The following SLC9A3 variants were observed in gnomAD, a reference collection of about 807,000 sequenced individuals.
SLC9A3 encodes the protein sodium/hydrogen exchanger 3.
SLC9A3 carries 37 observed loss-of-function variants against 86.8 expected under a neutral mutation model. The observed-to-expected ratio is 0.43, with a 90% CI of 0.33 to 0.56. The LOEUF (loss-of-function observed/expected upper bound fraction) is 0.56. Among genes scored for constraint, SLC9A3 ranks in the 20% least tolerant of loss-of-function variants. The pLI, the probability that SLC9A3 is intolerant of heterozygous loss-of-function variation, is 0.06. For synonymous variants in SLC9A3, 581 were observed against 528.3 expected (o/e 1.10, Z -1.37); for missense variants, 1,011 against 1,171.9 (o/e 0.86, Z 2.00).
At chr5:482,880 TC>T in intron 6 of SLC9A3, 130 bp from the exon 7 acceptor site, 2 of 703,400 alleles carry the variant, frequency 2.8e-6, no homozygotes, top group Non-Finnish European at 4.7e-6. Context: ...AGATACGGCG[TC>T]CCCACGCCAC....
chr5:503,075 T>G (rs936912086), intron 1 of SLC9A3, among the ~76,000 whole-genome samples: 1 of 152,082 alleles, frequency 6.6e-6, no homozygotes, highest in African/African-American at 2.4e-5. Context: ...AAAATAGAAC[T>G]TATCAAAGAG....
intron 11 of SLC9A3, 93 bp from the exon 12 acceptor site, chr5:476,765 G>C: frequency 6.7e-7 from 1 of 1,487,306 alleles, no homozygotes; most frequent in Admixed American, 1.8e-5. Context: ...TCTGGCCCTG[G>C]CTGCCTCCTG....
intron 10 of SLC9A3, 53 bp from the exon 11 acceptor site, chr5:477,497 C>T (rs1024600413): frequency 7.3e-7 from 1 of 1,368,138 alleles, no homozygotes; most frequent in Non-Finnish European, 1.0e-6. Flanking sequence ...GCCCTAGCTG[C>T]TGCCATTGTG....
At position 497,016 on chromosome 5, in the gene SLC9A3, C is replaced by G. The variant is rs1740047135; in HGVS notation, c.212-4945G>C. Among the ~76,000 whole-genome samples, 1 of 152,148 alleles carries G rather than the reference C, an allele frequency of 6.6e-6. No individual in the cohort carries two copies. The highest frequency in any genetic ancestry group is 6.5e-5 in the Admixed American group (1 of 15,276). ...GCTGCAGTGAGCCAAGATCACACCA[C>G]TACATTCCAGCCTGGGCGACGGAGG... On this transcript the variant is annotated intron_variant, in intron 1 of 16. Coordinates refer to ENST00000264938, the MANE Select transcript of SLC9A3 (RefSeq NM_004174.4). The surrounding 1 kb of genome is among the most constrained non-coding windows in gnomAD (Gnocchi z 5.4).
At chr5:507,105 TAAATA>T (rs1740618608) in intron 1 of SLC9A3, among the ~76,000 whole-genome samples, 1 of 137,760 alleles carries the variant, frequency 7.3e-6, no homozygotes, top group Non-Finnish European at 1.6e-5. Flanking sequence ...AATAAATAAA[TAAATA>T]AATAAATAAA....
rs1047155322 is a variant in SLC9A3, at chr5:496,490, C to A, written c.212-4419G>T. 6.6e-6 allele frequency among the ~76,000 whole-genome samples: 1 copy of A among 152,222 alleles called. No individual in the cohort carries two copies. Among genetic ancestry groups the A allele is most frequent in the Non-Finnish European group, 1.5e-5 (1 of 68,050 alleles). On this transcript the variant is annotated intron_variant, in intron 1 of 16. Transcript: ENST00000264938. This position sits in a 1 kb window ranked among gnomAD's most constrained non-coding sequence, Gnocchi z 4.7. ...GGGCACTGATCCTTTCCTATTGACA[C>A]GAGGTTCTTCGTAAGCTGGAAAATC...
chr5:477,558 C>T, intron 10 of SLC9A3, 114 bp from the exon 11 acceptor site: 1 of 664,112 alleles, frequency 1.5e-6, no homozygotes, highest in Non-Finnish European at 2.5e-6. Context: ...AGCCTTGAGA[C>T]CTGAGCCCCG....
In SLC9A3 at chr5:476,009, C is replaced by T. The variant is rs765873389; in HGVS notation, c.2140+11G>A. On this transcript the variant is annotated intron_variant, in intron 14 of 16. Transcript: ENST00000264938. ...CCCAGTCCCAGCGTTCCTGCAGGGC[C>T]CCCAGCGCACCTTTCTCCTTGATGG... 25 of 1,602,704 alleles carry T rather than the reference C, an allele frequency of 1.6e-5. 1 individual carries two copies. In the South Asian group the frequency reaches 2.7e-4, roughly 17 times the overall value.
At chr5:477,794 C>G (rs1259702964) in intron 10 of SLC9A3, 1 of 220,814 alleles carries the variant, frequency 4.5e-6, no homozygotes, top group South Asian at 7.7e-5. Flanking sequence ...GAAGTGGTCT[C>G]TGTCCCTGCA....
rs933046562 is a variant in SLC9A3 at position 471,699 on chromosome 5, A to T, written c.*1680T>A. 1.6e-5 allele frequency: 7 copies of T among 440,738 alleles called. No homozygotes were observed. Among genetic ancestry groups the T allele is most frequent in the Non-Finnish European group, 2.7e-5 (6 of 218,316 alleles). The allele number at this position is 440,738 out of a possible 1,614,324, so 27.3% of individuals were successfully genotyped here. On this transcript the variant is annotated 3_prime_UTR_variant, in exon 17 of 17. Transcript: ENST00000264938. ...TGGTTGAAATGGCTACGAAGTGTGG[A>T]GAATAACCACTGAATCCCAAAAAGT...
Position 497,779 on chromosome 5 carries a change from C to T in SLC9A3, c.212-5708G>A, listed in dbSNP as rs560443739. On this transcript the variant is annotated intron_variant, in intron 1 of 16. Coordinates refer to ENST00000264938, the MANE Select transcript of SLC9A3 (RefSeq NM_004174.4). This position sits in a 1 kb window ranked among gnomAD's most constrained non-coding sequence, Gnocchi z 5.4. Reference sequence around the variant, plus strand: ...TGTCCCGGGTGGGGTCGCCCGGCCGCATCCCCAGCCTCTGCCCCTGTCCCG... The same window carrying T: ...TGTCCCGGGTGGGGTCGCCCGGCCGTATCCCCAGCCTCTGCCCCTGTCCCG... 0.022 allele frequency among the ~76,000 whole-genome samples: 1,347 copies of T among 61,546 alleles called. 10 individuals carry two copies. Among genetic ancestry groups the T allele is most frequent in the South Asian group, 0.044 (44 of 990 alleles). The allele number at this position is 61,546 out of a possible 152,430, so 40.4% of individuals were successfully genotyped here.
At chr5:504,037 A>C (rs1370722389) in intron 1 of SLC9A3, among the ~76,000 whole-genome samples, 2 of 150,348 alleles carry the variant, frequency 1.3e-5, no homozygotes, top group African/African-American at 4.9e-5. Context: ...CATTCACTTC[A>C]AAGTAGAAAT....
chr5:495,253 G>A (rs1384914636), intron 1 of SLC9A3, among the ~76,000 whole-genome samples: 2 of 152,112 alleles, frequency 1.3e-5, no homozygotes, highest in African/African-American at 4.8e-5. Flanking sequence ...GGTTCACAGC[G>A]ATCACCACCG....
intron 1 of SLC9A3, among the ~76,000 whole-genome samples, chr5:495,956 A>C (rs1424612597): frequency 6.6e-6 from 1 of 151,320 alleles, no homozygotes; most frequent in East Asian, 1.9e-4. Flanking sequence ...GCCATCGCCG[A>C]CCCTCCCCAC....
Position 524,198 on chromosome 5 carries a change from A to G in SLC9A3, c.125T>C (p.Phe42Ser). 1.3e-6 allele frequency: 2 copies of G among 1,540,632 alleles called. No individual in the cohort carries two copies. The highest frequency in any genetic ancestry group is 1.7e-6 in the Non-Finnish European group (2 of 1,146,662). Reference sequence around the variant, plus strand: ...GGCCCACTCGAAGGTGACCACCTGGAAGCCCCCGCTCTCGCCGTGCGCGCC... The same window carrying G: ...GGCCCACTCGAAGGTGACCACCTGGGAGCCCCCGCTCTCGCCGTGCGCGCC... ...PGGAHGESGG[F>S]QVVTFEWAHV... is the part of the protein sequence containing the mutation. The change falls in exon 1 of 17, where the codon TTC (phenylalanine) becomes TCC (serine). Residue 42 changes from phenylalanine (F) to serine (S), a missense_variant. By Grantham distance (155) the Phe-to-Ser change is radical. Around this residue, in one of 3 missense-constraint regions of SLC9A3, gnomAD observed 565 missense variants for 790.0 expected, o/e 0.72. Transcript: ENST00000264938.
rs947770392 is a variant in SLC9A3, at chr5:496,248, C to G, written c.212-4177G>C. Among the ~76,000 whole-genome samples the G allele has an allele frequency of 1.3e-5, 2 of 152,244 alleles. No individual in the cohort carries two copies. The highest frequency in any genetic ancestry group is 4.8e-5 in the African/African-American group (2 of 41,462). ...CGGTGGCGTCCGAGGGCAGCTCCTG[C>G]AGTCTTCAGGGTGTGTGTGTGTTGA... On this transcript the variant is annotated intron_variant, in intron 1 of 16. Coordinates refer to ENST00000264938, the MANE Select transcript of SLC9A3 (RefSeq NM_004174.4). This position sits in a 1 kb window ranked among gnomAD's most constrained non-coding sequence, Gnocchi z 4.7.
intron 1 of SLC9A3, among the ~76,000 whole-genome samples, chr5:505,725 G>A (rs1291446365): frequency 8.0e-5 from 4 of 50,140 alleles, no homozygotes; most frequent in African/African-American, 6.2e-5. Context: ...TGACCACGGA[G>A]AGGGGAGAGT....
At chr5:517,671 T>TATCC (rs375043502) in intron 1 of SLC9A3, among the ~76,000 whole-genome samples, 10 of 146,350 alleles carry the variant, frequency 6.8e-5, no homozygotes, top group African/African-American at 1.0e-4. Flanking sequence ...TTCATCCATC[T>TATCC]ATCCATCCAT....
chr5:481,190 T>G (rs1483807748), intron 9 of SLC9A3, among the ~76,000 whole-genome samples: 1 of 152,208 alleles, frequency 6.6e-6, no homozygotes, highest in African/African-American at 2.4e-5. Flanking sequence ...CCAGACAAAA[T>G]CATTTTAAAT....
Sources: allele counts gnomAD v4.1 joint callset (sites outside exome capture counted in the v4.1 genomes callset), GRCh38; gene constraint gnomAD v4.1.1; regional missense constraint gnomAD v4.1.1; non-coding constraint Gnocchi (gnomAD v3.1); transcripts MANE v1.5; gene names NCBI Gene and HGNC (gene_info 2026-07-23, HGNC 2026-07-21).